The following GRHL3 variants were observed in gnomAD, a reference collection of about 807,000 sequenced individuals.
The protein encoded by GRHL3 is grainyhead-like protein 3 homolog.
In GRHL3, 20 loss-of-function variants were observed where a neutral mutation model predicts 70.3. The ratio of observed to expected loss-of-function variants is 0.28; its 90% CI spans 0.20 to 0.41. The LOEUF (loss-of-function observed/expected upper bound fraction) is 0.41. Among genes scored for constraint, GRHL3 ranks in the 10% least tolerant of loss-of-function variants. The pLI, the probability that GRHL3 is intolerant of heterozygous loss-of-function variation, is 1.00. For synonymous variants in GRHL3, 299 were observed against 299.9 expected, an observed-to-expected ratio of 1.00 and a Z score of 0.03; for missense variants, 637 against 762.3, an observed-to-expected ratio of 0.84 and a Z score of 1.94.
At position 24,336,748 on chromosome 1, in the gene GRHL3, C is replaced by T. The variant is rs1241614486; in HGVS notation, c.533C>T (p.Ser178Phe). 6.2e-7 allele frequency: 1 copy of T among 1,613,944 alleles called. No homozygotes were observed. The highest frequency in any genetic ancestry group is 1.3e-5 in the African/African-American group (1 of 74,930). ...ATGTATGATAATGGCTCCCTCAACT[C>T]CTTGTTTGAGAGCATTCATGGGGTG... Reference protein sequence around the residue: ...TDMYDNGSLNSLFESIHGVPP... With the variant: ...TDMYDNGSLNFLFESIHGVPP... The change falls in exon 4 of 16, where the codon TCC becomes TTC. Residue 178 changes from serine to phenylalanine, a missense_variant. Ser to Phe is a radical substitution (Grantham distance 155). Transcript: ENST00000361548.
At chr1:24,352,294 G>A (rs1445300932) in intron 15 of GRHL3, among the ~76,000 whole-genome samples, 1 of 152,134 alleles carries the variant, frequency 6.6e-6, no homozygotes, top group Non-Finnish European at 1.5e-5. Flanking sequence ...AAACCCTCCC[G>A]AAAGTCCTCT....
In GRHL3 at chr1:24,354,562, T is replaced by C. The variant is rs1426190300; in HGVS notation, c.*74T>C. 4 of 902,530 alleles carry C rather than the reference T, an allele frequency of 4.4e-6. No homozygotes were observed. The Admixed American group carries it at 5.5e-5, about 12-fold the overall frequency. The allele number at this position is 902,530 out of a possible 1,614,324, so 55.9% of individuals were successfully genotyped here. A position where few individuals can be genotyped will look rare whatever the true frequency, so the allele number is the denominator to read the frequency against. ...ACGTGGCCCCACGCCACACACAACC[T>C]CTCCACATGCCTCAGCGCTGTTACT... On this transcript the variant is annotated 3_prime_UTR_variant, in exon 16 of 16. Transcript: ENST00000361548.
chr1:24,364,398 G>A, exon 16 of GRHL3: 1 of 1,514,136 alleles, frequency 6.6e-7, no homozygotes, highest in Non-Finnish European at 8.9e-7. Flanking sequence ...AGAGGTGGAA[G>A]GACGACGGCA....
intron 1 of GRHL3, among the ~76,000 whole-genome samples, chr1:24,326,195 G>A (rs1262598978): frequency 6.6e-6 from 1 of 152,174 alleles, no homozygotes; most frequent in Non-Finnish European, 1.5e-5. Flanking sequence ...AAAACAAGGT[G>A]GCATATGCAA....
In GRHL3 at chr1:24,319,649, G is replaced by T; in HGVS notation, c.17+81G>T. ...TTTCCTGGAGGGGGAAGAGCGGGGA[G>T]GCCGGCACCGGGATTCACAGAGCAA... On this transcript the variant is annotated intron_variant, in intron 1 of 15. Coordinates refer to ENST00000361548, the MANE Select transcript of GRHL3 (RefSeq NM_198173.3). The T allele has an allele frequency of 3.1e-6, 5 of 1,611,256 alleles. No individual in the cohort carries two copies. The South Asian group carries it at 5.5e-5, about 18-fold the overall frequency.
intron 15 of GRHL3, among the ~76,000 whole-genome samples, chr1:24,352,547 G>A (rs1640556034): frequency 1.3e-5 from 2 of 152,172 alleles, no homozygotes; most frequent in African/African-American, 4.8e-5. Flanking sequence ...TCTTGTGCAG[G>A]TGTGAGCAGG....
chr1:24,343,091 C>A, intron 11 of GRHL3, 66 bp downstream of exon 11: 2 of 1,595,238 alleles, frequency 1.3e-6, no homozygotes, highest in Non-Finnish European at 1.7e-6. Flanking sequence ...GTGGGGCCTG[C>A]CTTAGCACAG....
chr1:24,329,636 C>T (rs1460098997), intron 1 of GRHL3, among the ~76,000 whole-genome samples: 1 of 152,194 alleles, frequency 6.6e-6, no homozygotes, highest in Admixed American at 6.5e-5. Flanking sequence ...TGATCCTTAC[C>T]TTGTAGTGTC....
At chr1:24,349,537 G>A (rs1359209225) in intron 14 of GRHL3, among the ~76,000 whole-genome samples, 1 of 152,196 alleles carries the variant, frequency 6.6e-6, no homozygotes, top group African/African-American at 2.4e-5. Flanking sequence ...GTTTAATGTG[G>A]ATCAATCCAC....
chr1:24,346,569 A>C lies in GRHL3; in HGVS notation c.1471A>C (p.Thr491Pro), dbSNP rs560956531. 7 of 1,612,936 alleles carry C rather than the reference A, an allele frequency of 4.3e-6. No homozygotes were observed. The South Asian group carries it at 7.7e-5, about 18-fold the overall frequency. Residue 491 changes from threonine to proline, a missense_variant, in exon 13 of 16, where the codon ACC (threonine) becomes CCC (proline). By Grantham distance (38) the Thr-to-Pro change is conservative. This residue lies in a region of GRHL3 where 387 missense variants were observed against 513.8 expected (regional missense o/e 0.75). Transcript: ENST00000361548. ...SSSNRLPLKR[T>P]CSPFTEEFEP... ...TCCCCACAGGCTGCCTCTGAAGCGTACCTGCTCGCCCTTCACTGAGGAGTT... is the reference window on the plus strand; with the variant it reads ...TCCCCACAGGCTGCCTCTGAAGCGTCCCTGCTCGCCCTTCACTGAGGAGTT...
intron 1 of GRHL3, among the ~76,000 whole-genome samples, chr1:24,320,351 A>G (rs1211182017): frequency 6.6e-6 from 1 of 152,222 alleles, no homozygotes; most frequent in Non-Finnish European, 1.5e-5. Context: ...GGGAGGATGC[A>G]TGTGCCTTCC....
exon 16 of GRHL3, chr1:24,364,203 C>A: frequency 6.5e-7 from 1 of 1,537,526 alleles, no homozygotes; most frequent in Admixed American, 2.0e-5. Context: ...CTCTCCTCCA[C>A]CCACGCCTGT....
In GRHL3 at chr1:24,354,491, C is replaced by A. The variant is rs1360334713; in HGVS notation, c.*3C>A. ...AGATCATCCTTAAGGAGCTGTAAGGCCTCTCGAGCATCCAAACCCTCACGA... is the reference window on the plus strand; with the variant it reads ...AGATCATCCTTAAGGAGCTGTAAGGACTCTCGAGCATCCAAACCCTCACGA... On this transcript the variant is annotated 3_prime_UTR_variant, in exon 16 of 16. Transcript: ENST00000361548. The A allele has an allele frequency of 1.3e-6, 2 of 1,593,994 alleles. No homozygotes were observed. The highest frequency in any genetic ancestry group is 1.3e-5 in the African/African-American group (1 of 74,506).
intron 2 of GRHL3, among the ~76,000 whole-genome samples, chr1:24,332,798 T>C (rs528911239): frequency 6.6e-6 from 1 of 152,322 alleles, no homozygotes; most frequent in Admixed American, 6.5e-5. Context: ...ATTCTTTGTT[T>C]GAACTGAGAG....
chr1:24,319,604 A>G (rs1194413899), intron 1 of GRHL3, 36 bp downstream of exon 1: 1 of 1,613,660 alleles, frequency 6.2e-7, no homozygotes, highest in Admixed American at 1.7e-5. Flanking sequence ...CCGCTCTCAG[A>G]GCGTGGAGGC....
Position 24,342,866 on chromosome 1 carries a change from G to T in GRHL3, c.1286-26G>T. ...GGGACTTGAGTGGAGGGACCTCGGG[G>T]CACATTGGCTTCCTTCTCCCATCAG... On this transcript the variant is annotated intron_variant, in intron 10 of 15. Coordinates refer to ENST00000361548, the MANE Select transcript of GRHL3 (RefSeq NM_198173.3). The surrounding 1 kb of genome is among the most constrained non-coding windows in gnomAD (Gnocchi z 4.8). 1.2e-6 allele frequency: 2 copies of T among 1,614,186 alleles called. No individual in the cohort carries two copies. Among genetic ancestry groups the T allele is most frequent in the Non-Finnish European group, 1.7e-6 (2 of 1,180,024 alleles).
intron 1 of GRHL3, among the ~76,000 whole-genome samples, chr1:24,329,833 A>G (rs1187316957): frequency 6.6e-6 from 1 of 152,156 alleles, no homozygotes; most frequent in Non-Finnish European, 1.5e-5. Context: ...CATAGCCTGG[A>G]CCACCCCATC....
rs1639297632 is a variant in GRHL3, at chr1:24,323,877, G to C, written c.17+4309G>C. Among the ~76,000 whole-genome samples the C allele has an allele frequency of 2.0e-5, 3 of 152,292 alleles. No homozygotes were observed. In the South Asian group the frequency reaches 6.2e-4, roughly 32 times the overall value. Reference sequence around the variant, plus strand: ...TCCGTTATTTGATGGTATTTCTCTAGGCTTTTCCAGGAGGTCAGCAAGAAT... The same window carrying C: ...TCCGTTATTTGATGGTATTTCTCTACGCTTTTCCAGGAGGTCAGCAAGAAT... On this transcript the variant is annotated intron_variant, in intron 1 of 15. Transcript: ENST00000361548.
In GRHL3 at chr1:24,322,945, G is replaced by A; in HGVS notation, c.17+3377G>A. On this transcript the variant is annotated intron_variant, in intron 1 of 15. Coordinates refer to ENST00000361548, the MANE Select transcript of GRHL3 (RefSeq NM_198173.3). The surrounding 1 kb of genome is among the most constrained non-coding windows in gnomAD (Gnocchi z 4.4). ...CCAGACCTGGTTCAGGCTTGCCCAA[G>A]GTCTCACGGAAGCACTGGGATCTTA... The A allele has an allele frequency of 1.4e-6, 1 of 699,720 alleles. No individual in the cohort carries two copies. Among genetic ancestry groups the A allele is most frequent in the Non-Finnish European group, 2.4e-6 (1 of 409,444 alleles). The allele number at this position is 699,720 out of a possible 1,614,324, so 43.3% of individuals were successfully genotyped here. A position where few individuals can be genotyped will look rare whatever the true frequency, so the allele number is the denominator to read the frequency against.
Sources: allele counts gnomAD v4.1 joint callset (sites outside exome capture counted in the v4.1 genomes callset), GRCh38; gene constraint gnomAD v4.1.1; regional missense constraint gnomAD v4.1.1; non-coding constraint Gnocchi (gnomAD v3.1); transcripts MANE v1.5; gene names NCBI Gene and HGNC (gene_info 2026-07-23, HGNC 2026-07-21).